Variants in FANCA observed in about 807,000 individuals in gnomAD.
The protein encoded by FANCA is Fanconi anemia group A protein.
In FANCA, 236 loss-of-function variants were observed where a neutral mutation model predicts 194.3. That is an observed-to-expected ratio of 1.21 (90% CI 1.09 to 1.35). The LOEUF (loss-of-function observed/expected upper bound fraction) is 1.35. Ranked by LOEUF, FANCA falls within the 40% of genes most tolerant of loss-of-function variation. The probability of loss-of-function intolerance (pLI) is 0.00; values close to 1 mark genes in which losing one functional copy is unlikely to be tolerated. For synonymous variants in FANCA, 1,014 were observed against 715.8 expected (o/e 1.42, Z -6.65); for missense variants, 2,628 against 1,813.9 (o/e 1.45, Z -8.15).
chr16:89,743,209 T>A (rs967136043), intron 36 of FANCA, among the ~76,000 whole-genome samples: 1 of 152,228 alleles, frequency 6.6e-6, no homozygotes, highest in East Asian at 1.9e-4. Flanking sequence ...CCTTGCCCTG[T>A]GCTCTTGGGC....
In FANCA at chr16:89,752,175, C is replaced by T. The variant is rs767105291; in HGVS notation, c.3029G>A (p.Gly1010Asp). Residue 1010 changes from glycine to aspartate, a missense_variant, in exon 31 of 43, where the codon GGC (glycine) becomes GAC (aspartate). Physicochemically the swap from Gly to Asp is moderately conservative, Grantham distance 94 (BLOSUM62 -1). Transcript: ENST00000389301. ...HSENSDLVFGGRTGNEDIISR... is the reference protein window; with the variant it reads ...HSENSDLVFGDRTGNEDIISR... ...AATAATATCCTCATTTCCTGTGCGG[C>T]CACCAAAGACCAAATCAGAATTTTC... The T allele has an allele frequency of 1.9e-6, 3 of 1,614,032 alleles. No individual in the cohort carries two copies. Among genetic ancestry groups the T allele is most frequent in the South Asian group, 1.1e-5 (1 of 91,090 alleles).
At chr16:89,741,154 A>G (rs540220494) in intron 37 of FANCA, among the ~76,000 whole-genome samples, 41 of 152,216 alleles carry the variant, frequency 2.7e-4, no homozygotes, top group Non-Finnish European at 5.4e-4. Context: ...GGCTGTGCGC[A>G]GTCCCAACTC....
chr16:89,753,827 G>C (rs1453807035), intron 30 of FANCA, among the ~76,000 whole-genome samples: 1 of 152,198 alleles, frequency 6.6e-6, no homozygotes, highest in East Asian at 1.9e-4. Flanking sequence ...GGCCGAGGCA[G>C]GCAGATCATC....
In FANCA at chr16:89,805,277, C is replaced by T; in HGVS notation, c.709+3G>A. Reference sequence around the variant, plus strand: ...AAGAACCCGCATCTTGTCATGAACGCACCAGAAAGCATGGCCCTGGCGACG... The same window carrying T: ...AAGAACCCGCATCTTGTCATGAACGTACCAGAAAGCATGGCCCTGGCGACG... On this transcript the variant is annotated splice_donor_region_variant and intron_variant, in intron 7 of 42. Coordinates refer to ENST00000389301, the MANE Select transcript of FANCA (RefSeq NM_000135.4). 1.2e-6 allele frequency: 2 copies of T among 1,611,242 alleles called. No individual in the cohort carries two copies. The highest frequency in any genetic ancestry group is 1.7e-6 in the Non-Finnish European group (2 of 1,177,566).
At chr16:89,775,944 T>C in intron 20 of FANCA, 129 bp from the exon 21 acceptor site, 2 of 470,300 alleles carry the variant, frequency 4.3e-6, no homozygotes, top group South Asian at 3.1e-5. Flanking sequence ...GTGTACAGTA[T>C]GAGCCTGTTT....
chr16:89,812,411 C>T (rs1472529463), intron 3 of FANCA, among the ~76,000 whole-genome samples: 1 of 151,830 alleles, frequency 6.6e-6, no homozygotes, highest in African/African-American at 2.4e-5. Flanking sequence ...CTTTGGGAGG[C>T]CGAGGCGGGT....
chr16:89,788,092 T>A (rs1164093259), intron 14 of FANCA, among the ~76,000 whole-genome samples: 1 of 152,030 alleles, frequency 6.6e-6, no homozygotes, highest in Non-Finnish European at 1.5e-5. Context: ...AGGGTGGTCT[T>A]GAACTACTGG....
intron 38 of FANCA, 31 bp from the exon 39 acceptor site, chr16:89,740,130 T>C (rs752930999): frequency 6.4e-7 from 1 of 1,569,086 alleles, no homozygotes; most frequent in Non-Finnish European, 8.8e-7. Context: ...ACCCTGAGAA[T>C]GGCCGACCTG....
intron 6 of FANCA, among the ~76,000 whole-genome samples, chr16:89,808,075 AAAGC>A (rs369423947): frequency 0.047 from 7,119 of 150,196 alleles, 614 homozygotes; most frequent in African/African-American, 0.16. Flanking sequence ...AAACAGACAA[AAAGC>A]AAACAAAACC....
chr16:89,800,263 C>T (rs2040398353), intron 8 of FANCA, among the ~76,000 whole-genome samples: 1 of 152,224 alleles, frequency 6.6e-6, no homozygotes, highest in African/African-American at 2.4e-5. Context: ...GACTTTCACC[C>T]TTGATGCCTC....
Position 89,771,678 on chromosome 16 carries a change from C to G in FANCA, c.2151G>C (p.Met717Ile). ...CTTTGTTCTGAGCCCCTACACCTAC[C>G]ATGTGTTCCCGTGGCTCCAGTCTCG... Reference protein sequence around the residue: ...NTPRLEPREHMAVDLLLTSFC... With the variant: ...NTPRLEPREHIAVDLLLTSFC... Residue 717 changes from methionine (M) to isoleucine (I), a missense_variant and splice_region_variant, in exon 23 of 43, where the codon ATG becomes ATC. Coordinates refer to ENST00000389301, the MANE Select transcript of FANCA (RefSeq NM_000135.4). 6.2e-7 allele frequency: 1 copy of G among 1,614,110 alleles called. No individual in the cohort carries two copies. The highest frequency in any genetic ancestry group is 1.3e-5 in the African/African-American group (1 of 75,026).
chr16:89,780,657 G>A lies in FANCA; in HGVS notation c.1627-700C>T, dbSNP rs55799617. Among the ~76,000 whole-genome samples, 868 of 151,040 alleles carry A rather than the reference G, an allele frequency of 5.7e-3. 7 individuals are homozygous for A. Among genetic ancestry groups the A allele is most frequent in the African/African-American group, 0.019 (802 of 41,162 alleles). On this transcript the variant is annotated intron_variant, in intron 17 of 42. Transcript: ENST00000389301. ...AAAAAAACATTCTGAGGCCAGGCGCGGCAGCTCACATCTGTAATCCCAGCA... is the reference window on the plus strand; with the variant it reads ...AAAAAAACATTCTGAGGCCAGGCGCAGCAGCTCACATCTGTAATCCCAGCA...
At chr16:89,774,867 G>A (rs984845816) in intron 21 of FANCA, among the ~76,000 whole-genome samples, 14 of 151,916 alleles carry the variant, frequency 9.2e-5, no homozygotes, top group African/African-American at 3.1e-4. Flanking sequence ...GCCGAGGCAG[G>A]CGGATCAGTT....
intron 11 of FANCA, among the ~76,000 whole-genome samples, chr16:89,793,366 C>T (rs2040142095): frequency 6.6e-6 from 1 of 152,138 alleles, no homozygotes; most frequent in South Asian, 2.1e-4. Flanking sequence ...CACCATGTCC[C>T]CTCAGCTCCT....
At position 89,746,949 on chromosome 16, in the gene FANCA, T is replaced by G. The variant is rs1004831505; in HGVS notation, c.3349-59A>C. 6.0e-5 allele frequency: 86 copies of G among 1,433,960 alleles called. No individual in the cohort carries two copies. The African/African-American group carries it at 1.0e-3, about 17-fold the overall frequency. 88.8% of individuals were successfully genotyped at this position (1,433,960 alleles called of 1,614,324 possible). ...CACAGGAAGAGAGGCGAGACCAACATGCAGAGTGGCTGCTGTGGATTCAGT... is the reference window on the plus strand; with the variant it reads ...CACAGGAAGAGAGGCGAGACCAACAGGCAGAGTGGCTGCTGTGGATTCAGT... On this transcript the variant is annotated intron_variant, in intron 33 of 42. Coordinates refer to ENST00000389301, the MANE Select transcript of FANCA (RefSeq NM_000135.4).
chr16:89,808,273 G>C, intron 6 of FANCA, 21 bp downstream of exon 6: 1 of 1,610,844 alleles, frequency 6.2e-7, no homozygotes, highest in South Asian at 1.1e-5. Flanking sequence ...CAGTAACACT[G>C]AATCATCATT....
chr16:89,783,827 AGTCTC>A (rs1347745644), intron 15 of FANCA, among the ~76,000 whole-genome samples: 1 of 151,962 alleles, frequency 6.6e-6, no homozygotes, highest in African/African-American at 2.4e-5. Context: ...GCAATGGTGC[AGTCTC>A]GGCTCACTGC....
intron 30 of FANCA, among the ~76,000 whole-genome samples, chr16:89,753,944 A>C (rs1181104020): frequency 4.6e-5 from 7 of 152,124 alleles, no homozygotes; most frequent in Non-Finnish European, 1.0e-4. Flanking sequence ...AATCCCACCT[A>C]TTGGGAGGCT....
At chr16:89,811,270 G>C (rs2040868954) in intron 3 of FANCA, among the ~76,000 whole-genome samples, 199 bp from the exon 4 acceptor site, 1 of 152,182 alleles carries the variant, frequency 6.6e-6, no homozygotes, top group African/African-American at 2.4e-5. Context: ...AATAAAACTG[G>C]TGGCAACACC....
Sources: allele counts gnomAD v4.1 joint callset (sites outside exome capture counted in the v4.1 genomes callset), GRCh38; gene constraint gnomAD v4.1.1; transcripts MANE v1.5; gene names NCBI Gene and HGNC (gene_info 2026-07-23, HGNC 2026-07-21).